Variants in AHI1 observed in about 807,000 individuals in gnomAD.
AHI1 encodes the protein Abelson helper integration site 1.
In AHI1, 123 loss-of-function variants were observed where a neutral mutation model predicts 149.3. That is an observed-to-expected ratio of 0.82 (90% CI 0.71 to 0.96). AHI1 has a LOEUF of 0.96. Ranked by LOEUF, AHI1 falls within the 40% of genes least tolerant of loss-of-function variation. The pLI, the probability that AHI1 is intolerant of heterozygous loss-of-function variation, is 0.00. For synonymous variants in AHI1, 475 were observed against 459.8 expected (o/e 1.03, Z -0.42); for missense variants, 1,439 against 1,422.7 (o/e 1.01, Z -0.18).
intron 27 of AHI1, among the ~76,000 whole-genome samples, chr6:135,291,920 G>C (rs1198526080): frequency 6.6e-6 from 1 of 152,118 alleles, no homozygotes; most frequent in Non-Finnish European, 1.5e-5. Flanking sequence ...ATACAGCAGA[G>C]ACAACGATAC....
Position 135,378,964 on chromosome 6 carries a change from T to C in AHI1, c.3109+15812A>G, listed in dbSNP as rs139348536. Among the ~76,000 whole-genome samples the C allele has an allele frequency of 1.8e-3, 267 of 152,290 alleles. 1 individual carries two copies. The highest frequency in any genetic ancestry group is 6.2e-3 in the African/African-American group (259 of 41,568). On this transcript the variant is annotated intron_variant, in intron 23 of 28. Transcript: ENST00000265602. ...TCACTAAATAGCCTCTTCCAGCTTATCTCATTAACTCCCATGGGCTCAAAT... is the reference window on the plus strand; with the variant it reads ...TCACTAAATAGCCTCTTCCAGCTTACCTCATTAACTCCCATGGGCTCAAAT...
chr6:135,431,165 A>G (rs1784600038), intron 17 of AHI1, 43 bp downstream of exon 17: 1 of 1,341,788 alleles, frequency 7.5e-7, no homozygotes, highest in Admixed American at 2.1e-5. Context: ...GATTTTTCCA[A>G]CTTCTTTAAT....
At chr6:135,341,975 A>G (rs982142066) in intron 24 of AHI1, among the ~76,000 whole-genome samples, 3 of 151,976 alleles carry the variant, frequency 2.0e-5, no homozygotes, top group Admixed American at 2.0e-4. Flanking sequence ...ACAAATAGAA[A>G]AAGAGTAGAG....
At chr6:135,439,906 A>C (rs1444976672) in intron 14 of AHI1, among the ~76,000 whole-genome samples, 1 of 152,092 alleles carries the variant, frequency 6.6e-6, no homozygotes, top group African/African-American at 2.4e-5. Flanking sequence ...CTTAGAAAAA[A>C]TCTCCTCCCC....
chr6:135,497,421 C>T (rs1228233584), intron 1 of AHI1, among the ~76,000 whole-genome samples, 162 bp downstream of exon 1: 6 of 152,210 alleles, frequency 3.9e-5, no homozygotes, highest in Non-Finnish European at 7.3e-5. Context: ...TCTCAGAAAT[C>T]GCATTCCCCC....
intron 26 of AHI1, chr6:135,302,869 C>A: frequency 4.0e-6 from 5 of 1,244,688 alleles, no homozygotes; most frequent in Non-Finnish European, 4.2e-6. Context: ...CGCAAATAAC[C>A]CCCACCATCG....
intron 24 of AHI1, among the ~76,000 whole-genome samples, chr6:135,329,247 G>C (rs543449439): frequency 6.6e-6 from 1 of 152,160 alleles, no homozygotes; most frequent in African/African-American, 2.4e-5. Flanking sequence ...AGAAGATGCC[G>C]TCTATGACTT....
At chr6:135,459,333 T>C (rs145843350) in intron 8 of AHI1, among the ~76,000 whole-genome samples, 111 of 152,280 alleles carry the variant, frequency 7.3e-4, no homozygotes, top group Non-Finnish European at 1.4e-3. Context: ...AAACACACAA[T>C]ATTAAAAATT....
At chr6:135,387,171 C>A (rs1777730664) in intron 23 of AHI1, among the ~76,000 whole-genome samples, 1 of 152,184 alleles carries the variant, frequency 6.6e-6, no homozygotes, top group Non-Finnish European at 1.5e-5. Flanking sequence ...GCATGAGACA[C>A]AGCACCTTGT....
chr6:135,476,477 T>C (rs759353468), intron 5 of AHI1, among the ~76,000 whole-genome samples: 1 of 152,162 alleles, frequency 6.6e-6, no homozygotes, highest in African/African-American at 2.4e-5. Context: ...TTGGGTACAA[T>C]GTTCCCATAA....
intron 26 of AHI1, 182 bp from the exon 27 acceptor site, chr6:135,300,740 T>A: frequency 8.2e-7 from 1 of 1,221,168 alleles, no homozygotes; most frequent in African/African-American, 1.6e-5. Flanking sequence ...TTTGCTCCCA[T>A]GAAAAACCAA....
rs1786481292 is a variant in AHI1 at position 135,442,579 on chromosome 6, C to G, written c.1912+3G>C. On this transcript the variant is annotated splice_donor_region_variant and intron_variant, in intron 14 of 28. Coordinates refer to ENST00000265602, the MANE Select transcript of AHI1 (RefSeq NM_001134831.2). ...AGATTAAACAGGTAGGATTATTACT[C>G]ACAAATAATTGGATATCCATCCCGG... 2 of 1,605,560 alleles carry G rather than the reference C, an allele frequency of 1.2e-6. No homozygotes were observed. Among genetic ancestry groups the G allele is most frequent in the East Asian group, 4.5e-5 (2 of 44,672 alleles).
intron 5 of AHI1, among the ~76,000 whole-genome samples, chr6:135,472,763 C>T (rs182090332): frequency 1.3e-5 from 2 of 151,968 alleles, no homozygotes; most frequent in Non-Finnish European, 1.5e-5. Context: ...AGACTCTTTA[C>T]ATGTGTCTAT....
intron 24 of AHI1, among the ~76,000 whole-genome samples, chr6:135,353,013 A>G (rs964232100): frequency 6.6e-5 from 10 of 151,904 alleles, no homozygotes; most frequent in African/African-American, 2.2e-4. Flanking sequence ...ATTTAGCAAA[A>G]CCAAAAGAGA....
chr6:135,311,713 C>T (rs987299238), intron 26 of AHI1, among the ~76,000 whole-genome samples: 4 of 152,192 alleles, frequency 2.6e-5, no homozygotes, highest in African/African-American at 7.2e-5. Flanking sequence ...CAGCACTACT[C>T]GTTTTCAAAG....
intron 1 of AHI1, 132 bp downstream of exon 1, chr6:135,497,451 C>G (rs1446572781): frequency 6.6e-6 from 1 of 152,366 alleles, no homozygotes; most frequent in Non-Finnish European, 1.5e-5. Context: ...GGCCCACGCT[C>G]GTCGGTCACT....
At chr6:135,410,724 G>A (rs990651053) in intron 21 of AHI1, among the ~76,000 whole-genome samples, 2 of 151,844 alleles carry the variant, frequency 1.3e-5, no homozygotes, top group South Asian at 4.2e-4. Context: ...CAAAATCTTG[G>A]GACTCTCATC....
At chr6:135,455,227 T>C (rs187041617) in intron 10 of AHI1, among the ~76,000 whole-genome samples, 5 of 152,272 alleles carry the variant, frequency 3.3e-5, no homozygotes, top group African/African-American at 7.2e-5. Context: ...TCAAAAGCCA[T>C]GTATTCCATA....
intron 24 of AHI1, among the ~76,000 whole-genome samples, chr6:135,340,138 G>C (rs1350473178): frequency 6.6e-6 from 1 of 152,200 alleles, no homozygotes; most frequent in East Asian, 1.9e-4. Flanking sequence ...TTGGGAGGCT[G>C]AGGCGGGTGG....
Sources: allele counts gnomAD v4.1 joint callset (sites outside exome capture counted in the v4.1 genomes callset), GRCh38; gene constraint gnomAD v4.1.1; transcripts MANE v1.5; gene names NCBI Gene and HGNC (gene_info 2026-07-23, HGNC 2026-07-21).